NBR1: variants seen among roughly 807,000 people sequenced by gnomAD.
NBR1 encodes NBR1 autophagy cargo receptor.
Under a neutral mutation model 115.5 loss-of-function variants are expected in NBR1, and 59 were observed. That is an observed-to-expected ratio of 0.51 (90% CI 0.41 to 0.63). The LOEUF is 0.63. Among genes scored for constraint, NBR1 ranks in the 30% least tolerant of loss-of-function variants. The pLI is 0.00. For synonymous variants in NBR1, 373 were observed against 414.7 expected (o/e 0.90, Z 1.22); for missense variants, 1,043 against 1,150.5 (o/e 0.91, Z 1.35).
chr17:43,174,817 C>T (rs1215482580), intron 1 of NBR1, among the ~76,000 whole-genome samples: 1 of 151,556 alleles, frequency 6.6e-6, no homozygotes, highest in African/African-American at 2.4e-5. Flanking sequence ...AGTACAAGGC[C>T]AGGTGCGGTG....
At chr17:43,196,820 C>A (rs1300768623) in intron 15 of NBR1, 122 bp from the exon 16 acceptor site, 11 of 1,134,118 alleles carry the variant, frequency 9.7e-6, no homozygotes, top group South Asian at 1.5e-5. Flanking sequence ...CTTTAAACAC[C>A]AAGTGCAGAC....
intron 18 of NBR1, among the ~76,000 whole-genome samples, chr17:43,202,179 G>GGA (rs1259185740): frequency 8.5e-6 from 1 of 118,018 alleles, no homozygotes. Flanking sequence ...GACTCCGTCT[G>GGA]AAAAAAAAAA....
At position 43,185,046 on chromosome 17, in the gene NBR1, A is replaced by G. The variant is rs531644749; in HGVS notation, c.208-1204A>G. Among the ~76,000 whole-genome samples, 40 of 151,640 alleles carry G rather than the reference A, an allele frequency of 2.6e-4. No individual in the cohort carries two copies. The East Asian group carries it at 7.0e-3, about 27-fold the overall frequency. The stretch of plus-strand genomic sequence containing the variant: ...GGAGTTTGCAGTGAGCCGAGATTGC[A>G]TCACTGCACTCTAGCCTGGTGACAG... On this transcript the variant is annotated intron_variant, in intron 5 of 20. Coordinates refer to ENST00000590996, the MANE Select transcript of NBR1 (RefSeq NM_005899.5).
At position 43,193,129 on chromosome 17, in the gene NBR1, T is replaced by C; in HGVS notation, c.1109T>C (p.Met370Thr). The C allele has an allele frequency of 6.2e-7, 1 of 1,614,002 alleles. No homozygotes were observed. Among genetic ancestry groups the C allele is most frequent in the Non-Finnish European group, 8.5e-7 (1 of 1,179,886 alleles). ...PLQPCTSVMP[M>T]LSAAFVDENL... The stretch of plus-strand genomic sequence containing the variant: ...CAGCCCTGTACCTCCGTTATGCCAA[T>C]GCTCAGTGCAGCATTTGTGGATGAG... The change falls in exon 11 of 21, where the codon ATG becomes ACG. Residue 370 changes from methionine (M) to threonine (T), a missense_variant. Met to Thr is a moderately conservative substitution (Grantham distance 81). Transcript: ENST00000590996.
intron 6 of NBR1, among the ~76,000 whole-genome samples, chr17:43,187,401 C>T (rs1029073064): frequency 7.2e-5 from 11 of 151,754 alleles, no homozygotes; most frequent in African/African-American, 1.7e-4. Context: ...AGGATGGTCT[C>T]GATCTCCTGA....
chr17:43,205,361 AG>A (rs1022307339), intron 20 of NBR1, among the ~76,000 whole-genome samples: 8 of 152,170 alleles, frequency 5.3e-5, no homozygotes, highest in African/African-American at 9.7e-5. Flanking sequence ...CTCAAAAAAA[AG>A]AAAGATACTA....
At chr17:43,176,088 C>A in intron 2 of NBR1, 187 bp downstream of exon 2, 2 of 443,958 alleles carry the variant, frequency 4.5e-6, no homozygotes, top group Non-Finnish European at 4.0e-6. Context: ...ATAAAGGGAA[C>A]CAACACATAA....
At position 43,202,668 on chromosome 17, in the gene NBR1, A is replaced by C; in HGVS notation, c.2577A>C (p.Ser859=). The C allele has an allele frequency of 6.3e-7, 1 of 1,576,746 alleles. No homozygotes were observed. Among genetic ancestry groups the C allele is most frequent in the Non-Finnish European group, 8.6e-7 (1 of 1,159,666 alleles). ...TTTTGCTTTTAGAGCCCAGAGGCTCATCAGGACTTGTAAACAGCAGACAGA... is the reference window on the plus strand; with the variant it reads ...TTTTGCTTTTAGAGCCCAGAGGCTCCTCAGGACTTGTAAACAGCAGACAGA... ...PDQIRGEPRG[S]SGLVNSRQKS... The change falls in exon 19 of 21, where the codon TCA becomes TCC. Residue 859 remains serine, a synonymous_variant. Transcript: ENST00000590996.
chr17:43,172,304 C>T lies in NBR1; in HGVS notation c.-10+1002C>T, dbSNP rs143273775. The stretch of plus-strand genomic sequence containing the variant: ...GCCAAAGAGAGTTCCTTATGAAGAC[C>T]TGGATATGGTCCAGCCAAGCTAGAA... On this transcript the variant is annotated intron_variant, in intron 1 of 20. Transcript: ENST00000590996. Among the ~76,000 whole-genome samples, 12 of 152,302 alleles carry T rather than the reference C, an allele frequency of 7.9e-5. No individual in the cohort carries two copies. In the East Asian group the frequency reaches 2.1e-3, roughly 27 times the overall value.
chr17:43,203,613 C>T, intron 19 of NBR1, 68 bp from the exon 20 acceptor site: 1 of 954,022 alleles, frequency 1.0e-6, no homozygotes, highest in Non-Finnish European at 1.6e-6. Flanking sequence ...GGATTAGAGC[C>T]CAGATTATCT....
Position 43,200,164 on chromosome 17 carries a change from T to C in NBR1, c.2027-3T>C. Reference sequence around the variant, plus strand: ...CTTAAAATTGGTTGCTTTCATCCTTTAGTGACATTTGCCTTGCCTGAAGGA... The same window carrying C: ...CTTAAAATTGGTTGCTTTCATCCTTCAGTGACATTTGCCTTGCCTGAAGGA... On this transcript the variant is annotated splice_region_variant and splice_polypyrimidine_tract_variant and intron_variant, in intron 16 of 20. Transcript: ENST00000590996. 1 of 1,541,540 alleles carries C rather than the reference T, an allele frequency of 6.5e-7. No homozygotes were observed. Among genetic ancestry groups the C allele is most frequent in the South Asian group, 1.2e-5 (1 of 82,640 alleles).
intron 20 of NBR1, chr17:43,209,584 C>T: frequency 6.5e-7 from 1 of 1,535,528 alleles, no homozygotes; most frequent in South Asian, 1.2e-5. Flanking sequence ...GTCATTCCTT[C>T]ATCTGGCCAA....
At position 43,176,867 on chromosome 17, in the gene NBR1, T is replaced by TC. The variant is rs962558652; in HGVS notation, c.102+974dup. Reference sequence around the variant, plus strand: ...TCAAGCAGTTAATAGCCCTCCATTCTCCCCCCCCTCATCTGTTACTCCCAC... The same window carrying TC: ...TCAAGCAGTTAATAGCCCTCCATTCTCCCCCCCCCTCATCTGTTACTCCCAC... On this transcript the variant is annotated intron_variant, in intron 2 of 20. Transcript: ENST00000590996. 1.5e-4 allele frequency among the ~76,000 whole-genome samples: 23 copies of TC among 151,018 alleles called. 1 individual carries two copies. The highest frequency in any genetic ancestry group is 1.0e-3 in the South Asian group (5 of 4,780).
intron 13 of NBR1, chr17:43,194,761 T>G: frequency 1.6e-6 from 1 of 621,926 alleles, no homozygotes; most frequent in South Asian, 2.1e-5. Flanking sequence ...TTCTCCTTCA[T>G]ACCTGCTGCA....
intron 20 of NBR1, among the ~76,000 whole-genome samples, chr17:43,205,578 T>G (rs749426867): frequency 3.3e-4 from 50 of 151,244 alleles, no homozygotes; most frequent in Non-Finnish European, 5.6e-4. Flanking sequence ...AGAAGAGGAG[T>G]AAGACGAAAA....
chr17:43,200,505 C>T lies in NBR1; in HGVS notation c.2365C>T (p.Gln789Ter). 6.2e-7 allele frequency: 1 copy of T among 1,613,980 alleles called. No homozygotes were observed. The highest frequency in any genetic ancestry group is 8.5e-7 in the Non-Finnish European group (1 of 1,179,888). Reference protein sequence around the residue: ...AGERLPGGENQPQEHSISDIL... With the variant: ...AGERLPGGEN The stretch of plus-strand genomic sequence containing the variant: ...GGAAAGACTCCCTGGAGGGGAGAAC[C>T]AGCCACAGGAGCACAGCATAAGTGA... Residue 789 changes from glutamine to a stop codon, truncating the protein, a stop_gained, in exon 17 of 21, where the codon CAG (glutamine) becomes TAG (stop). Coordinates refer to ENST00000590996, the MANE Select transcript of NBR1 (RefSeq NM_005899.5). LOFTEE classifies it high-confidence loss of function.
At chr17:43,201,517 G>A (rs184710811) in intron 17 of NBR1, among the ~76,000 whole-genome samples, 169 bp from the exon 18 acceptor site, 36 of 152,308 alleles carry the variant, frequency 2.4e-4, no homozygotes, top group South Asian at 8.3e-4. Flanking sequence ...GAGGAAAATG[G>A]GGTAGAATGT....
At chr17:43,202,855 C>T in intron 19 of NBR1, 143 bp downstream of exon 19, 1 of 674,360 alleles carries the variant, frequency 1.5e-6, no homozygotes, top group South Asian at 1.9e-5. Context: ...CTTGTTTCTT[C>T]TAAAGGCTTT....
In NBR1 at chr17:43,175,832, T is replaced by G. The variant is rs745813309; in HGVS notation, c.33T>G (p.Phe11Leu). 1 of 1,604,850 alleles carries G rather than the reference T, an allele frequency of 6.2e-7. No homozygotes were observed. Among genetic ancestry groups the G allele is most frequent in the Non-Finnish European group, 8.5e-7 (1 of 1,174,266 alleles). ...CACAGGTTACTCTAAATGTGACTTT[T>G]AAAAATGAAATTCAAAGCTTTCTGG... MEPQVTLNVT[F>L]KNEIQSFLVS... Residue 11 changes from phenylalanine (F) to leucine (L), a missense_variant, in exon 2 of 21, where the codon TTT (phenylalanine) becomes TTG (leucine). Coordinates refer to ENST00000590996, the MANE Select transcript of NBR1 (RefSeq NM_005899.5).
Sources: allele counts gnomAD v4.1 joint callset (sites outside exome capture counted in the v4.1 genomes callset), GRCh38; gene constraint gnomAD v4.1.1; transcripts MANE v1.5; gene names NCBI Gene and HGNC (gene_info 2026-07-23, HGNC 2026-07-21).